The following C17orf67 variants were observed in gnomAD, a reference collection of about 807,000 sequenced individuals.
C17orf67 encodes chromosome 17 open reading frame 67.
A neutral mutation model predicts 11.2 loss-of-function variants in C17orf67; 12 were observed. The observed-to-expected ratio is 1.07, with a 90% CI of 0.68 to 1.73. The LOEUF (loss-of-function observed/expected upper bound fraction) is 1.73. Ranked by LOEUF, C17orf67 falls within the 40% of genes most tolerant of loss-of-function variation. The probability of loss-of-function intolerance (pLI) is 0.00; values close to 1 mark genes in which losing one functional copy is unlikely to be tolerated. For missense variants in C17orf67, 115 were observed against 113.5 expected, an observed-to-expected ratio of 1.01 and a Z score of -0.06; for synonymous variants, 59 against 46.9, an observed-to-expected ratio of 1.26 and a Z score of -1.05.
intron 4 of C17orf67, among the ~76,000 whole-genome samples, chr17:56,822,595 T>C (rs1443142819): frequency 2.0e-5 from 3 of 152,276 alleles, no homozygotes; most frequent in Non-Finnish European, 4.4e-5. Context: ...ATCATTGTTA[T>C]TATTTCTCCT....
intron 6 of C17orf67, among the ~76,000 whole-genome samples, chr17:56,807,582 A>G (rs1321157303): frequency 6.6e-6 from 1 of 152,126 alleles, no homozygotes; most frequent in East Asian, 1.9e-4. Flanking sequence ...AAATCAACAT[A>G]AGCACATTCA....
At chr17:56,824,391 T>G (rs1356260171) in intron 4 of C17orf67, among the ~76,000 whole-genome samples, 1 of 152,204 alleles carries the variant, frequency 6.6e-6, no homozygotes, top group Non-Finnish European at 1.5e-5. Context: ...GAACCATTTT[T>G]CTTTCTAAAT....
chr17:56,796,774 CT>C (rs1905221757), intron 6 of C17orf67, among the ~76,000 whole-genome samples: 1 of 152,084 alleles, frequency 6.6e-6, no homozygotes, highest in African/African-American at 2.4e-5. Flanking sequence ...CTCCTCACCC[CT>C]CTCTCTGTCC....
intron 2 of C17orf67, among the ~76,000 whole-genome samples, chr17:56,826,312 G>A (rs1025172022): frequency 8.5e-5 from 13 of 152,152 alleles, no homozygotes; most frequent in Non-Finnish European, 1.5e-4. Context: ...TAATTTAAGC[G>A]TTCTGCATCA....
Position 56,795,501 on chromosome 17 carries a change from G to A in C17orf67, c.157-321C>T, listed in dbSNP as rs769240685. On this transcript the variant is annotated intron_variant, in intron 6 of 7. Coordinates refer to ENST00000397861, the MANE Select transcript of C17orf67 (RefSeq NM_001085430.4). ...TACTTTATACCCTAGCGCAGTGGAC[G>A]TCAAACTTTATCAGATATCAGAGTC... 5.8e-4 allele frequency among the ~76,000 whole-genome samples: 89 copies of A among 152,280 alleles called. 2 individuals are homozygous for A. Among genetic ancestry groups the A allele is most frequent in the East Asian group, 1.9e-4 (1 of 5,184 alleles).
chr17:56,796,678 T>C (rs1000956742), intron 6 of C17orf67, among the ~76,000 whole-genome samples: 2 of 152,162 alleles, frequency 1.3e-5, no homozygotes, highest in Non-Finnish European at 2.9e-5. Context: ...TGAGGCTATC[T>C]CCGGAATAGT....
chr17:56,797,829 G>A (rs990684150), intron 6 of C17orf67, among the ~76,000 whole-genome samples: 3 of 152,152 alleles, frequency 2.0e-5, no homozygotes, highest in Admixed American at 1.3e-4. Context: ...GGTCTTCCCC[G>A]AAGCCAGTTC....
At chr17:56,805,795 A>T (rs1014711012) in intron 6 of C17orf67, among the ~76,000 whole-genome samples, 6 of 152,152 alleles carry the variant, frequency 3.9e-5, no homozygotes, top group African/African-American at 1.4e-4. Context: ...AAAGAGGATA[A>T]TTCATGGTTA....
chr17:56,795,268 C>T (rs1272523059), intron 6 of C17orf67, 88 bp from the exon 7 acceptor site: 20 of 1,187,174 alleles, frequency 1.7e-5, no homozygotes, highest in Non-Finnish European at 2.5e-5. Flanking sequence ...GCTCCCTAGA[C>T]AGGGCAGGAT....
intron 2 of C17orf67, among the ~76,000 whole-genome samples, chr17:56,827,602 T>C (rs1269576836): frequency 6.6e-6 from 1 of 152,236 alleles, no homozygotes; most frequent in Non-Finnish European, 1.5e-5. Flanking sequence ...GTCCCACTAT[T>C]GGCCGTGTGG....
chr17:56,802,538 G>T (rs941559306), intron 6 of C17orf67, among the ~76,000 whole-genome samples: 2 of 152,066 alleles, frequency 1.3e-5, no homozygotes, highest in African/African-American at 4.8e-5. Context: ...ATTTCTTGTT[G>T]GTTTGCCTTA....
chr17:56,797,832 G>A (rs1000349824), intron 6 of C17orf67, among the ~76,000 whole-genome samples: 1 of 152,176 alleles, frequency 6.6e-6, no homozygotes, highest in Non-Finnish European at 1.5e-5. Flanking sequence ...CTTCCCCGAA[G>A]CCAGTTCAGG....
In C17orf67 at chr17:56,795,172, C is replaced by A; in HGVS notation, c.165G>T (p.Met55Ile). The A allele has an allele frequency of 6.2e-7, 1 of 1,614,074 alleles. No homozygotes were observed. Among genetic ancestry groups the A allele is most frequent in the Non-Finnish European group, 8.5e-7 (1 of 1,180,010 alleles). ...GATGCTCCAGGGCGAGCAGGTGGTG[C>A]ATGTATTCCTGTCAAAACAAACCAC... ...GFPDEPMREY[M>I]HHLLALEHRA... Residue 55 changes from methionine (M) to isoleucine (I), a missense_variant, in exon 7 of 8, where the codon ATG (methionine) becomes ATT (isoleucine). Transcript: ENST00000397861.
intron 6 of C17orf67, among the ~76,000 whole-genome samples, chr17:56,809,762 C>T (rs1157774825): frequency 6.8e-6 from 1 of 146,330 alleles, no homozygotes; most frequent in Admixed American, 6.8e-5. Context: ...CTCACACACA[C>T]CCCTCTACAC....
chr17:56,799,189 T>C (rs886669402), intron 6 of C17orf67, among the ~76,000 whole-genome samples: 1 of 152,196 alleles, frequency 6.6e-6, no homozygotes, highest in Non-Finnish European at 1.5e-5. Flanking sequence ...CATTGCAATA[T>C]CACACGGAAC....
intron 6 of C17orf67, among the ~76,000 whole-genome samples, chr17:56,797,229 T>C (rs1432798912): frequency 6.6e-6 from 1 of 152,148 alleles, no homozygotes; most frequent in African/African-American, 2.4e-5. Flanking sequence ...CAAAGAATAT[T>C]CTAGCACCCA....
chr17:56,794,780 T>C (rs1905177442), intron 7 of C17orf67, among the ~76,000 whole-genome samples: 1 of 152,186 alleles, frequency 6.6e-6, no homozygotes, highest in Non-Finnish European at 1.5e-5. Flanking sequence ...CTTTTCTGCA[T>C]GGCAAATAGG....
rs1905117672 is a variant in C17orf67, at chr17:56,792,282, T to G, written c.*91A>C. Reference sequence around the variant, plus strand: ...TCTGAAGACATCCATTTCTGCAATTTAAAAACAAGTGAAAGAAGCAGCCTT... The same window carrying G: ...TCTGAAGACATCCATTTCTGCAATTGAAAAACAAGTGAAAGAAGCAGCCTT... On this transcript the variant is annotated 3_prime_UTR_variant, in exon 8 of 8. Transcript: ENST00000397861. The G allele has an allele frequency of 6.6e-6, 1 of 152,264 alleles. No homozygotes were observed. Among genetic ancestry groups the G allele is most frequent in the African/African-American group, 2.4e-5 (1 of 41,464 alleles). 9.4% of individuals were successfully genotyped at this position (152,264 alleles called of 1,614,324 possible). A position where few individuals can be genotyped will look rare whatever the true frequency, so the allele number is the denominator to read the frequency against.
chr17:56,797,916 A>G (rs1021150675), intron 6 of C17orf67, among the ~76,000 whole-genome samples: 2 of 152,198 alleles, frequency 1.3e-5, no homozygotes, highest in African/African-American at 4.8e-5. Flanking sequence ...AAAAATGATA[A>G]AACAACAGGA....
Sources: allele counts gnomAD v4.1 joint callset (sites outside exome capture counted in the v4.1 genomes callset), GRCh38; gene constraint gnomAD v4.1.1; transcripts MANE v1.5; gene names NCBI Gene and HGNC (gene_info 2026-07-23, HGNC 2026-07-21).